The following NFRKB variants were observed in gnomAD, a reference collection of about 807,000 sequenced individuals.
NFRKB encodes nuclear factor related to kappa-B-binding protein.
A neutral mutation model predicts 135.7 loss-of-function variants in NFRKB; 62 were observed. The ratio of observed to expected loss-of-function variants is 0.46; its 90% CI spans 0.37 to 0.56. The LOEUF is 0.56. Among genes scored for constraint, NFRKB ranks in the 20% least tolerant of loss-of-function variants. The pLI is 0.00. For synonymous variants in NFRKB, 678 were observed against 635.6 expected, an observed-to-expected ratio of 1.07 and a Z score of -1.00; for missense variants, 1,545 against 1,662.0, an observed-to-expected ratio of 0.93 and a Z score of 1.22.
At position 129,870,287 on chromosome 11, in the gene NFRKB, G is replaced by A. The variant is rs371620105; in HGVS notation, c.2764-26C>T. On this transcript the variant is annotated intron_variant, in intron 23 of 26. Coordinates refer to ENST00000682444, the MANE Select transcript of NFRKB (RefSeq NM_001143835.2). ...CTGAATGGGGAGAAGCAGCACTGAT[G>A]AGGGATTCACAATAGTAAACCGGTT... 949 of 1,599,060 alleles carry A rather than the reference G, an allele frequency of 5.9e-4. 1 individual carries two copies. The highest frequency in any genetic ancestry group is 7.7e-4 in the Non-Finnish European group (899 of 1,169,174).
At position 129,892,729 on chromosome 11, in the gene NFRKB, C is replaced by A; in HGVS notation, c.121G>T (p.Asp41Tyr). 1.9e-6 allele frequency: 3 copies of A among 1,613,886 alleles called. No individual in the cohort carries two copies. Among genetic ancestry groups the A allele is most frequent in the Non-Finnish European group, 2.5e-6 (3 of 1,180,030 alleles). ...LGGTRVSLPE[D>Y]LLEDPEIFFD... ...TTACTACTCACATCCTCCAGAAGGT[C>A]CTCGGGCAGACTAACTCTGGTGCCT... The change falls in exon 3 of 27, where the codon GAC (aspartate) becomes TAC (tyrosine). Residue 41 changes from aspartate (D) to tyrosine (Y), a missense_variant. Transcript: ENST00000682444.
intron 8 of NFRKB, 58 bp from the exon 9 acceptor site, chr11:129,883,264 T>C: frequency 7.5e-7 from 1 of 1,331,102 alleles, no homozygotes; most frequent in Admixed American, 1.8e-5. Context: ...AAAACTGAGG[T>C]GACTTTGCCA....
intron 16 of NFRKB, 67 bp from the exon 17 acceptor site, chr11:129,876,962 C>A: frequency 7.1e-7 from 1 of 1,408,006 alleles, no homozygotes; most frequent in Non-Finnish European, 9.8e-7. Flanking sequence ...GGCTTCCTTA[C>A]AATATAAGCA....
At chr11:129,887,119 G>C (rs1483199420) in intron 4 of NFRKB, among the ~76,000 whole-genome samples, 9 of 152,214 alleles carry the variant, frequency 5.9e-5, no homozygotes, top group Non-Finnish European at 1.3e-4. Flanking sequence ...AAGTCACCCT[G>C]GAAGGGAAGA....
rs770978872 is a variant in NFRKB at position 129,875,504 on chromosome 11, G to A, written c.1748-41C>T. ...AGCACACAGTCCACAAGTCAGGCAG[G>A]GTTCCTACGGAGGTACAATCTCCTG... On this transcript the variant is annotated intron_variant, in intron 17 of 26. Transcript: ENST00000682444. 3.3e-6 allele frequency: 5 copies of A among 1,499,746 alleles called. No homozygotes were observed. In the Admixed American group the frequency reaches 7.8e-5, roughly 23 times the overall value. The allele number at this position is 1,499,746 out of a possible 1,614,324, so 92.9% of individuals were successfully genotyped here. A position where few individuals can be genotyped will look rare whatever the true frequency, so the allele number is the denominator to read the frequency against.
Position 129,895,542 on chromosome 11 carries a change from G to C in NFRKB, c.-148C>G, listed in dbSNP as rs1949733689. The C allele has an allele frequency of 6.6e-6, 1 of 152,292 alleles. No homozygotes were observed. Among genetic ancestry groups the C allele is most frequent in the Non-Finnish European group, 1.5e-5 (1 of 68,134 alleles). The allele number at this position is 152,292 out of a possible 1,614,324, so 9.4% of individuals were successfully genotyped here. A position where few individuals can be genotyped will look rare whatever the true frequency, so the allele number is the denominator to read the frequency against. ...CCTAACCCGCAGCCCTTCTCCGGCC[G>C]CGGGCTCCCAGACGCACTCGCTCCC... On this transcript the variant is annotated 5_prime_UTR_variant, in exon 1 of 27. Transcript: ENST00000682444.
At chr11:129,882,267 C>A in intron 10 of NFRKB, 73 bp from the exon 11 acceptor site, 1 of 1,418,588 alleles carries the variant, frequency 7.0e-7, no homozygotes. Context: ...GGCGCCCAAG[C>A]CTCCTAGCAG....
intron 3 of NFRKB, among the ~76,000 whole-genome samples, chr11:129,889,756 C>T (rs1163812286): frequency 6.6e-6 from 1 of 150,422 alleles, no homozygotes; most frequent in East Asian, 2.0e-4. Flanking sequence ...AGAAAAAAGA[C>T]GGTGGGGGAG....
chr11:129,890,784 G>A (rs1409701285), intron 3 of NFRKB, among the ~76,000 whole-genome samples: 1 of 152,094 alleles, frequency 6.6e-6, no homozygotes, highest in East Asian at 1.9e-4. Flanking sequence ...AAAACAAGCT[G>A]GCATCCCATC....
chr11:129,893,396 A>G lies in NFRKB; in HGVS notation c.-21-526T>C, dbSNP rs1212331028. Reference sequence around the variant, plus strand: ...GGCAAAACCCCTTCTCTACAAAAAAAAAAAAAAAAAAAAATCAGCCAGGCG... The same window carrying G: ...GGCAAAACCCCTTCTCTACAAAAAAGAAAAAAAAAAAAAATCAGCCAGGCG... On this transcript the variant is annotated intron_variant, in intron 2 of 26. Coordinates refer to ENST00000682444, the MANE Select transcript of NFRKB (RefSeq NM_001143835.2). 9 of 387,672 alleles carry G rather than the reference A, an allele frequency of 2.3e-5. No homozygotes were observed. The Admixed American group carries it at 2.8e-4, about 12-fold the overall frequency. The allele number at this position is 387,672 out of a possible 1,614,324, so 24.0% of individuals were successfully genotyped here.
At chr11:129,892,892 G>A in intron 2 of NFRKB, 22 bp from the exon 3 acceptor site, 1 of 1,613,804 alleles carries the variant, frequency 6.2e-7, no homozygotes, top group Non-Finnish European at 8.5e-7. Flanking sequence ...CATGCATCTT[G>A]AGACAGAAAG....
intron 4 of NFRKB, 93 bp downstream of exon 4, chr11:129,888,501 T>TA (rs754412482): frequency 8.0e-7 from 1 of 1,256,832 alleles, no homozygotes; most frequent in Non-Finnish European, 1.2e-6. Context: ...TACATGAAGA[T>TA]AAAAAGAAGA....
In NFRKB at chr11:129,874,635, G is replaced by A; in HGVS notation, c.1979-55C>T. The A allele has an allele frequency of 6.8e-6, 11 of 1,607,568 alleles. No homozygotes were observed. Among genetic ancestry groups the A allele is most frequent in the Non-Finnish European group, 7.6e-6 (9 of 1,176,770 alleles). ...GAGTTTAACCTTAGCAAACTAAAAA[G>A]AGGGGCTTTGTTAAAAACCAACACC... On this transcript the variant is annotated intron_variant, in intron 19 of 26. Coordinates refer to ENST00000682444, the MANE Select transcript of NFRKB (RefSeq NM_001143835.2). This position sits in a 1 kb window ranked among gnomAD's most constrained non-coding sequence, Gnocchi z 4.5.
chr11:129,882,325 T>C, intron 10 of NFRKB, 126 bp downstream of exon 10: 1 of 1,353,430 alleles, frequency 7.4e-7, no homozygotes, highest in Non-Finnish European at 1.0e-6. Context: ...TTCCCAGCAG[T>C]ATCCCTGGGA....
rs190834337 is a variant in NFRKB, at chr11:129,882,854, G to C, written c.902-223C>G. ...GCTGGAGTGCAGTGGTGCGATCATA[G>C]CTCACTACAGCCTCAATCTCCCCGG... On this transcript the variant is annotated intron_variant, in intron 9 of 26. Transcript: ENST00000682444. Among the ~76,000 whole-genome samples the C allele has an allele frequency of 2.8e-3, 419 of 152,094 alleles. 2 individuals are homozygous for C. Among genetic ancestry groups the C allele is most frequent in the Admixed American group, 5.0e-3 (77 of 15,282 alleles).
intron 17 of NFRKB, among the ~76,000 whole-genome samples, chr11:129,876,472 T>C (rs1244386037): frequency 1.3e-5 from 2 of 152,160 alleles, no homozygotes; most frequent in African/African-American, 4.8e-5. Context: ...AATTCCTGTA[T>C]TTAACCTATT....
rs1216699110 is a variant in NFRKB, at chr11:129,863,640, A to C, written c.*1085T>G. On this transcript the variant is annotated 3_prime_UTR_variant, in exon 27 of 27. Transcript: ENST00000682444. The stretch of plus-strand genomic sequence containing the variant: ...AAACAAACAAACAAACAAACAAACA[A>C]ACAAAAAACGCTTTTACTTAAAAGG... 4 of 158,616 alleles carry C rather than the reference A, an allele frequency of 2.5e-5. No homozygotes were observed. The highest frequency in any genetic ancestry group is 4.1e-5 in the Non-Finnish European group (3 of 72,820). The allele number at this position is 158,616 out of a possible 1,614,324, so 9.8% of individuals were successfully genotyped here.
At chr11:129,888,536 A>C (rs769353257) in intron 4 of NFRKB, 58 bp downstream of exon 4, 1 of 1,459,010 alleles carries the variant, frequency 6.9e-7, no homozygotes, top group South Asian at 1.1e-5. Context: ...ATACCCACAT[A>C]AAGTGAACGT....
rs371079273 is a variant in NFRKB at position 129,873,772 on chromosome 11, A to C, written c.2523T>G (p.Thr841=). ...PAGPQIRVPA[T]ATQTKVVPQT... is the part of the protein sequence containing the mutation. ...GGGGCACTACTTTGGTCTGTGTGGC[A>C]GTGGCTGGAACCCGGATCTGCGGTC... Residue 841 remains threonine (T), a synonymous_variant, in exon 22 of 27, where the codon ACT becomes ACG. Transcript: ENST00000682444. 2.9e-5 allele frequency: 47 copies of C among 1,613,992 alleles called. No individual in the cohort carries two copies. The highest frequency in any genetic ancestry group is 3.9e-5 in the Non-Finnish European group (46 of 1,179,986).
Sources: allele counts gnomAD v4.1 joint callset (sites outside exome capture counted in the v4.1 genomes callset), GRCh38; gene constraint gnomAD v4.1.1; non-coding constraint Gnocchi (gnomAD v3.1); transcripts MANE v1.5; gene names NCBI Gene and HGNC (gene_info 2026-07-23, HGNC 2026-07-21).